CACNA2D2: variants seen among roughly 807,000 people sequenced by gnomAD.
The protein encoded by CACNA2D2 is voltage-dependent calcium channel subunit alpha-2/delta-2.
CACNA2D2 carries 48 observed loss-of-function variants against 166.4 expected under a neutral mutation model. That is an observed-to-expected ratio of 0.29 (90% CI 0.23 to 0.37). CACNA2D2 has a LOEUF of 0.37. Ranked by LOEUF, CACNA2D2 falls within the 10% of genes least tolerant of loss-of-function variation. CACNA2D2 has a pLI of 1.00. For synonymous variants in CACNA2D2, 561 were observed against 573.7 expected, an observed-to-expected ratio of 0.98 and a Z score of 0.32; for missense variants, 1,122 against 1,433.0, an observed-to-expected ratio of 0.78 and a Z score of 3.50.
At position 50,380,170 on chromosome 3, in the gene CACNA2D2, G is replaced by A. The variant is rs1276590135; in HGVS notation, c.843-152C>T. On this transcript the variant is annotated intron_variant, in intron 8 of 37. Coordinates refer to ENST00000424201, the MANE Select transcript of CACNA2D2 (RefSeq NM_006030.4). The surrounding 1 kb of genome is among the most constrained non-coding windows in gnomAD (Gnocchi z 4.9). The stretch of plus-strand genomic sequence containing the variant: ...ATGCACCGATGATACCACATTTAAC[G>A]AAACAGACACAGTCCTTGCCCATGA... 2.0e-5 allele frequency: 15 copies of A among 746,622 alleles called. No homozygotes were observed. The highest frequency in any genetic ancestry group is 1.7e-5 in the African/African-American group (1 of 57,780). 46.2% of individuals were successfully genotyped at this position (746,622 alleles called of 1,614,324 possible). A position where few individuals can be genotyped will look rare whatever the true frequency, so the allele number is the denominator to read the frequency against.
At position 50,367,830 on chromosome 3, in the gene CACNA2D2, C is replaced by T. The variant is rs775331156; in HGVS notation, c.2216G>A (p.Arg739Lys). Residue 739 changes from arginine to lysine, a missense_variant, in exon 25 of 38, where the codon AGG becomes AAG. Physicochemically the swap from Arg to Lys is conservative, Grantham distance 26 (BLOSUM62 2). Transcript: ENST00000424201. The surrounding 1 kb of genome is among the most constrained non-coding windows in gnomAD (Gnocchi z 6.5). Reference sequence around the variant, plus strand: ...TGCCTACGTGTTGAGATCCTGGTCCCTCCACACACGCTCTACCAGCTGCTG... The same window carrying T: ...TGCCTACGTGTTGAGATCCTGGTCCTTCCACACACGCTCTACCAGCTGCTG... ...ITQQLVERVWRDQDLNTYSLL... is the reference protein window; with the variant it reads ...ITQQLVERVWKDQDLNTYSLL... The T allele has an allele frequency of 3.7e-5, 60 of 1,613,470 alleles. No individual in the cohort carries two copies. The highest frequency in any genetic ancestry group is 1.6e-4 in the Middle Eastern group (1 of 6,082).
chr3:50,422,975 G>C (rs1036206739), intron 3 of CACNA2D2, among the ~76,000 whole-genome samples: 3 of 152,246 alleles, frequency 2.0e-5, no homozygotes, highest in Non-Finnish European at 4.4e-5. Context: ...TGAAGTGAAA[G>C]AACCCAGGTT....
chr3:50,426,118 G>C (rs1025472147), intron 3 of CACNA2D2, among the ~76,000 whole-genome samples: 2 of 152,218 alleles, frequency 1.3e-5, no homozygotes, highest in Non-Finnish European at 2.9e-5. Context: ...TGGGAGGGCA[G>C]GTACACAGGC....
chr3:50,475,311 C>T (rs1559985380), intron 2 of CACNA2D2, among the ~76,000 whole-genome samples: 3 of 152,142 alleles, frequency 2.0e-5, no homozygotes, highest in Non-Finnish European at 4.4e-5. Flanking sequence ...TTGGCTTACT[C>T]TGCTGTTCCC....
In CACNA2D2 at chr3:50,468,380, AGTGTGTGTGTGTGTGTGTGTGTGTGT is replaced by A. The variant is rs3220659; in HGVS notation, c.288+7712_288+7737del. ...AGAGAACCAGCAAGTTCATCAGAAT[AGTGTGTGTGTGTGTGTGTGTGTGTGT>A]GTGTGTGTGTGTGTGTGTGTGTGTG... On this transcript the variant is annotated intron_variant, in intron 2 of 37. Coordinates refer to ENST00000424201, the MANE Select transcript of CACNA2D2 (RefSeq NM_006030.4). Among the ~76,000 whole-genome samples, 41 of 83,168 alleles carry A rather than the reference AGTGTGTGTGTGTGTGTGTGTGTGTGT, an allele frequency of 4.9e-4. 1 individual carries two copies. Among genetic ancestry groups the A allele is most frequent in the African/African-American group, 1.4e-3 (31 of 22,334 alleles). The allele number at this position is 83,168 out of a possible 152,430, so 54.6% of individuals were successfully genotyped here.
intron 1 of CACNA2D2, among the ~76,000 whole-genome samples, chr3:50,495,078 G>A (rs904704780): frequency 5.3e-5 from 8 of 152,218 alleles, no homozygotes; most frequent in East Asian, 1.9e-4. Flanking sequence ...GATGAGGGCT[G>A]GGCCCTGCCC....
intron 2 of CACNA2D2, among the ~76,000 whole-genome samples, chr3:50,466,272 A>ATGTGTGTG (rs10678919): frequency 1.3e-5 from 2 of 149,500 alleles, no homozygotes; most frequent in African/African-American, 4.9e-5. Context: ...GTGTGTGCGC[A>ATGTGTGTG]TGTGTGTGTG....
intron 3 of CACNA2D2, among the ~76,000 whole-genome samples, chr3:50,395,517 A>G (rs1318007630): frequency 6.6e-6 from 1 of 152,114 alleles, no homozygotes; most frequent in East Asian, 1.9e-4. Context: ...CTCCGGGCTT[A>G]CAGCCCTACT....
At chr3:50,403,705 C>T (rs998753934) in intron 3 of CACNA2D2, among the ~76,000 whole-genome samples, 3 of 152,188 alleles carry the variant, frequency 2.0e-5, no homozygotes, top group South Asian at 2.1e-4. Context: ...CTCTGCCAAC[C>T]TCATCTCTCT....
chr3:50,476,165 C>A lies in CACNA2D2; in HGVS notation c.241G>T (p.Val81Phe). The A allele has an allele frequency of 6.2e-7, 1 of 1,601,528 alleles. No homozygotes were observed. Among genetic ancestry groups the A allele is most frequent in the Non-Finnish European group, 8.5e-7 (1 of 1,174,800 alleles). Residue 81 changes from valine to phenylalanine, a missense_variant, in exon 2 of 38, where the codon GTC (valine) becomes TTC (phenylalanine). By Grantham distance (50) the Val-to-Phe change is conservative (BLOSUM62 -1). Transcript: ENST00000424201. ...CCAAAAATCCGCATCACGCCGTCGA[C>A]CTCCTGCTCCAGACGCCGGGCCCAG... ...QHWARRLEQE[V>F]DGVMRIFGGV...
At chr3:50,400,725 C>A (rs1456738754) in intron 3 of CACNA2D2, among the ~76,000 whole-genome samples, 1 of 152,256 alleles carries the variant, frequency 6.6e-6, no homozygotes, top group Non-Finnish European at 1.5e-5. Flanking sequence ...ACAGGACGGG[C>A]ACCCAGCCTT....
In CACNA2D2 at chr3:50,435,306, C is replaced by T. The variant is rs551304634; in HGVS notation, c.289-877G>A. ...GCTGGGTCTTGGGTGTGTGCGTGTG[C>T]GTGTGCGTGTGTGTGTGCATTTGTA... is the stretch of plus-strand genomic sequence containing the variant. On this transcript the variant is annotated intron_variant, in intron 2 of 37. Transcript: ENST00000424201. Among the ~76,000 whole-genome samples the T allele has an allele frequency of 2.3e-4, 35 of 151,134 alleles. 1 individual carries two copies. The highest frequency in any genetic ancestry group is 3.4e-3 in the Middle Eastern group (1 of 294).
chr3:50,434,282 C>T, intron 3 of CACNA2D2, 31 bp downstream of exon 3: 2 of 1,514,254 alleles, frequency 1.3e-6, no homozygotes, highest in Non-Finnish European at 1.8e-6. Flanking sequence ...TCCCTCAGTG[C>T]CGCCCCCCTG....
intron 2 of CACNA2D2, among the ~76,000 whole-genome samples, chr3:50,463,019 C>T (rs1277176023): frequency 6.6e-6 from 1 of 152,114 alleles, no homozygotes; most frequent in Non-Finnish European, 1.5e-5. Flanking sequence ...GGACAGTGGC[C>T]GTCAAAGGGC....
intron 1 of CACNA2D2, among the ~76,000 whole-genome samples, chr3:50,485,252 C>T (rs1698229197): frequency 6.6e-6 from 1 of 152,210 alleles, no homozygotes; most frequent in African/African-American, 2.4e-5. Flanking sequence ...CTCTCTCCTG[C>T]ACACTTGGGT....
At chr3:50,453,845 G>A (rs1330873569) in intron 2 of CACNA2D2, among the ~76,000 whole-genome samples, 2 of 152,176 alleles carry the variant, frequency 1.3e-5, no homozygotes, top group African/African-American at 2.4e-5. Context: ...GCCACGGCTG[G>A]GAGGTAGGCT....
At position 50,380,915 on chromosome 3, in the gene CACNA2D2, C is replaced by T; in HGVS notation, c.784+80G>A. ...CAGACTACAGAGAAGCCACCCCGCC[C>T]CATGCCCCCAGGATGGGTGGGCTGG... On this transcript the variant is annotated intron_variant, in intron 7 of 37. Coordinates refer to ENST00000424201, the MANE Select transcript of CACNA2D2 (RefSeq NM_006030.4). The surrounding 1 kb of genome is among the most constrained non-coding windows in gnomAD (Gnocchi z 4.9). The T allele has an allele frequency of 6.3e-7, 1 of 1,580,974 alleles. No homozygotes were observed.
At chr3:50,484,018 G>A (rs559968843) in intron 1 of CACNA2D2, among the ~76,000 whole-genome samples, 5 of 152,234 alleles carry the variant, frequency 3.3e-5, no homozygotes, top group Admixed American at 6.5e-5. Flanking sequence ...GCCCAGCTGC[G>A]GGTGTGGCTA....
chr3:50,380,743 C>A lies in CACNA2D2; in HGVS notation c.842+5G>T. Reference sequence around the variant, plus strand: ...TCCCTCCCCAGCCCCTTCTTGCTCGCTCACCAGGGTCTCCTTCGGACATCG... The same window carrying A: ...TCCCTCCCCAGCCCCTTCTTGCTCGATCACCAGGGTCTCCTTCGGACATCG... On this transcript the variant is annotated splice_donor_5th_base_variant and intron_variant, in intron 8 of 37. Transcript: ENST00000424201. The surrounding 1 kb of genome is among the most constrained non-coding windows in gnomAD (Gnocchi z 4.9). 1 of 1,528,304 alleles carries A rather than the reference C, an allele frequency of 6.5e-7. No homozygotes were observed. 94.7% of individuals were successfully genotyped at this position (1,528,304 alleles called of 1,614,324 possible).
Sources: allele counts gnomAD v4.1 joint callset (sites outside exome capture counted in the v4.1 genomes callset), GRCh38; gene constraint gnomAD v4.1.1; non-coding constraint Gnocchi (gnomAD v3.1); transcripts MANE v1.5; gene names NCBI Gene and HGNC (gene_info 2026-07-23, HGNC 2026-07-21).